ADGRB3: variants seen among roughly 807,000 people sequenced by gnomAD.
ADGRB3 encodes the protein adhesion G protein-coupled receptor B3.
ADGRB3 carries 37 observed loss-of-function variants against 193.4 expected under a neutral mutation model. That is an observed-to-expected ratio of 0.19 (90% CI 0.15 to 0.25). ADGRB3 has a LOEUF of 0.25. Ranked by LOEUF, ADGRB3 falls within the 10% of genes least tolerant of loss-of-function variation. ADGRB3 has a pLI of 1.00. For synonymous variants in ADGRB3, 690 were observed against 644.2 expected, an observed-to-expected ratio of 1.07 and a Z score of -1.08; for missense variants, 1,637 against 1,852.9, an observed-to-expected ratio of 0.88 and a Z score of 2.14.
intron 3 of ADGRB3, among the ~76,000 whole-genome samples, chr6:68,849,055 A>T (rs1424767607): frequency 6.6e-6 from 1 of 151,994 alleles, no homozygotes; most frequent in Non-Finnish European, 1.5e-5. Flanking sequence ...ATGCTCACCC[A>T]GACTTGGATG....
rs1339438582 is a variant in ADGRB3 at position 68,762,809 on chromosome 6, A to C, written c.757+123377A>C. Among the ~76,000 whole-genome samples the C allele has an allele frequency of 4.6e-5, 7 of 152,230 alleles. No individual in the cohort carries two copies. In the East Asian group the frequency reaches 9.7e-4, roughly 21 times the overall value. On this transcript the variant is annotated intron_variant, in intron 3 of 31. Transcript: ENST00000370598. ...CACCTATCATTTGCTGAAATTCTAC[A>C]TTCTCTCAAAAAACCTGCTAAGTGA...
At chr6:69,230,556 A>G (rs1160291716) in intron 17 of ADGRB3, among the ~76,000 whole-genome samples, 1 of 152,242 alleles carries the variant, frequency 6.6e-6, no homozygotes, top group Non-Finnish European at 1.5e-5. Context: ...GTTTGAAAAT[A>G]CAGACTACAC....
chr6:68,815,000 G>A (rs1436544005), intron 3 of ADGRB3, among the ~76,000 whole-genome samples: 1 of 152,158 alleles, frequency 6.6e-6, no homozygotes. Flanking sequence ...AATAATAAGA[G>A]CTATCTATGT....
chr6:68,975,199 T>A, intron 9 of ADGRB3, 35 bp from the exon 10 acceptor site: 2 of 1,563,070 alleles, frequency 1.3e-6, no homozygotes, highest in Non-Finnish European at 1.8e-6. Context: ...AACATCCCTA[T>A]TATAAAGCTT....
chr6:69,106,525 A>G (rs141840936), intron 17 of ADGRB3, among the ~76,000 whole-genome samples: 63 of 152,368 alleles, frequency 4.1e-4, no homozygotes, highest in African/African-American at 1.4e-3. Flanking sequence ...TTTGAAAAGT[A>G]TCTAAGTAAG....
rs570071829 is a variant in ADGRB3 at position 69,268,212 on chromosome 6, T to C, written c.2814+28986T>C. ...TGTCATATAATTTTTCCAATGTGTT[T>C]TTATAATGTGCAAGTATAATATTTT... On this transcript the variant is annotated intron_variant, in intron 20 of 31. Coordinates refer to ENST00000370598, the MANE Select transcript of ADGRB3 (RefSeq NM_001704.3). Among the ~76,000 whole-genome samples, 50 of 152,300 alleles carry C rather than the reference T, an allele frequency of 3.3e-4. 1 individual carries two copies. The South Asian group carries it at 0.01, about 31-fold the overall frequency.
intron 13 of ADGRB3, among the ~76,000 whole-genome samples, chr6:69,033,123 A>T (rs1444230950): frequency 6.6e-6 from 1 of 152,144 alleles, no homozygotes. Flanking sequence ...CAGATCTCAG[A>T]CTTCTAGGCA....
chr6:68,901,253 G>C (rs1270390402), intron 3 of ADGRB3, among the ~76,000 whole-genome samples: 1 of 152,048 alleles, frequency 6.6e-6, no homozygotes, highest in East Asian at 1.9e-4. Context: ...GGTGGAGGGG[G>C]GTGGGGTTCT....
intron 3 of ADGRB3, among the ~76,000 whole-genome samples, chr6:68,750,405 G>T (rs1236779982): frequency 6.6e-6 from 1 of 152,088 alleles, no homozygotes; most frequent in African/African-American, 2.4e-5. Flanking sequence ...CAACAAGAAT[G>T]ATTTTGTATT....
At chr6:68,688,968 C>T (rs1765026313) in intron 3 of ADGRB3, among the ~76,000 whole-genome samples, 2 of 152,004 alleles carry the variant, frequency 1.3e-5, no homozygotes, top group South Asian at 4.2e-4. Flanking sequence ...CCAAAAATGC[C>T]TTGTATTGGA....
chr6:68,703,602 A>T (rs1765278182), intron 3 of ADGRB3, among the ~76,000 whole-genome samples: 1 of 152,054 alleles, frequency 6.6e-6, no homozygotes, highest in African/African-American at 2.4e-5. Context: ...AAATAAAAAG[A>T]ACCCCATTCA....
intron 3 of ADGRB3, among the ~76,000 whole-genome samples, chr6:68,888,772 T>TG (rs1331932772): frequency 6.6e-6 from 1 of 152,204 alleles, no homozygotes; most frequent in Non-Finnish European, 1.5e-5. Context: ...AGTATGGTCC[T>TG]GGGGGACCTA....
chr6:69,226,117 A>G (rs1766009611), intron 17 of ADGRB3, among the ~76,000 whole-genome samples: 1 of 152,138 alleles, frequency 6.6e-6, no homozygotes. Context: ...AATGTTCATG[A>G]CCTCAAGAGT....
intron 3 of ADGRB3, among the ~76,000 whole-genome samples, chr6:68,692,241 C>G (rs961642535): frequency 6.6e-6 from 1 of 151,742 alleles, no homozygotes; most frequent in Non-Finnish European, 1.5e-5. Flanking sequence ...GTTTTTAGAG[C>G]CCATTAACTT....
chr6:68,670,812 G>C (rs960555479), intron 3 of ADGRB3, among the ~76,000 whole-genome samples: 5 of 151,938 alleles, frequency 3.3e-5, no homozygotes, highest in African/African-American at 1.2e-4. Flanking sequence ...TTGGTATTTT[G>C]ATAGGGATTT....
At chr6:68,989,153 G>T (rs897239083) in intron 10 of ADGRB3, among the ~76,000 whole-genome samples, 1 of 151,944 alleles carries the variant, frequency 6.6e-6, no homozygotes, top group Non-Finnish European at 1.5e-5. Context: ...TTATGAAGAA[G>T]AATCAGCAAA....
intron 20 of ADGRB3, among the ~76,000 whole-genome samples, chr6:69,291,694 G>A (rs561696715): frequency 6.6e-6 from 1 of 152,260 alleles, no homozygotes; most frequent in African/African-American, 2.4e-5. Flanking sequence ...AGGAGAGCCT[G>A]TGGCAGACCC....
At chr6:68,753,023 T>A (rs1459544443) in intron 3 of ADGRB3, among the ~76,000 whole-genome samples, 1 of 152,164 alleles carries the variant, frequency 6.6e-6, no homozygotes, top group African/African-American at 2.4e-5. Context: ...CAGAGGTACC[T>A]GTGGAAGATG....
chr6:69,024,052 T>C (rs112054159), intron 13 of ADGRB3, among the ~76,000 whole-genome samples: 2 of 152,308 alleles, frequency 1.3e-5, no homozygotes, highest in African/African-American at 4.8e-5. Context: ...ACACATTTGG[T>C]AATCAACTAC....
Sources: allele counts gnomAD v4.1 joint callset (sites outside exome capture counted in the v4.1 genomes callset), GRCh38; gene constraint gnomAD v4.1.1; transcripts MANE v1.5; gene names NCBI Gene and HGNC (gene_info 2026-07-23, HGNC 2026-07-21).